The following PSD3 variants were observed in gnomAD, a reference collection of about 807,000 sequenced individuals.
PSD3 encodes PH and SEC7 domain-containing protein 3.
A neutral mutation model predicts 105.5 loss-of-function variants in PSD3; 49 were observed. That is an observed-to-expected ratio of 0.46 (90% confidence interval 0.37 to 0.59). The LOEUF is 0.59. PSD3 is among the 20% of genes least tolerant of loss of function. The pLI is 0.00. For missense variants in PSD3, 1,561 were observed against 1,263.8 expected (o/e 1.24, Z -3.57); for synonymous variants, 557 against 457.8 (o/e 1.22, Z -2.77).
At chr8:18,947,339 A>G (rs1261244148) in intron 1 of PSD3, among the ~76,000 whole-genome samples, 1 of 152,228 alleles carries the variant, frequency 6.6e-6, no homozygotes, top group African/African-American at 2.4e-5. Context: ...CCCAGTCATC[A>G]TGCAGCCCCG....
chr8:19,031,001 G>A (rs1469620738), intron 1 of PSD3, among the ~76,000 whole-genome samples: 2 of 152,170 alleles, frequency 1.3e-5, no homozygotes, highest in South Asian at 2.1e-4. Context: ...AGGCACAAAG[G>A]AAGACTACAT....
chr8:18,989,009 T>A (rs1825652437), intron 1 of PSD3, among the ~76,000 whole-genome samples: 1 of 152,222 alleles, frequency 6.6e-6, no homozygotes. Context: ...TGGTCGGGAC[T>A]CCAGGTAAAG....
chr8:18,994,483 C>T (rs1232702583), intron 1 of PSD3, among the ~76,000 whole-genome samples: 3 of 152,036 alleles, frequency 2.0e-5, no homozygotes, highest in East Asian at 1.9e-4. Context: ...CTTGTCATAC[C>T]TGCAGCTGCT....
chr8:19,038,076 TC>T (rs1421092001), intron 1 of PSD3, among the ~76,000 whole-genome samples: 12 of 152,050 alleles, frequency 7.9e-5, no homozygotes, highest in Non-Finnish European at 1.5e-4. Flanking sequence ...TGAATCCTGA[TC>T]TATCCTTAGC....
At chr8:18,792,252 A>G (rs1809791234) in intron 8 of PSD3, among the ~76,000 whole-genome samples, 1 of 152,220 alleles carries the variant, frequency 6.6e-6, no homozygotes. Flanking sequence ...TCTGTTATAA[A>G]GATACATGCA....
chr8:18,662,604 C>A (rs1809434832), intron 9 of PSD3, among the ~76,000 whole-genome samples: 1 of 152,188 alleles, frequency 6.6e-6, no homozygotes, highest in Non-Finnish European at 1.5e-5. Flanking sequence ...AATCAATTTA[C>A]CTGGCCCTCA....
chr8:19,028,291 G>A (rs868574242), intron 1 of PSD3, among the ~76,000 whole-genome samples: 17 of 27,914 alleles, frequency 6.1e-4, no homozygotes, highest in Non-Finnish European at 1.1e-3. Flanking sequence ...CCCCCCCCCC[G>A]GCCCACCCTT....
At chr8:18,732,126 T>C (rs1313562431) in intron 9 of PSD3, among the ~76,000 whole-genome samples, 1 of 151,968 alleles carries the variant, frequency 6.6e-6, no homozygotes, top group Non-Finnish European at 1.5e-5. Context: ...AGTCACCTGC[T>C]TCAAGTGAGG....
At chr8:18,757,887 A>C (rs73199961) in intron 9 of PSD3, among the ~76,000 whole-genome samples, 4,116 of 152,326 alleles carry the variant, frequency 0.027, 84 homozygotes, top group Middle Eastern at 0.054. Flanking sequence ...CACTGTACTC[A>C]GTACTTTAAA....
chr8:18,644,187 A>C (rs1272385928), intron 10 of PSD3, among the ~76,000 whole-genome samples: 1 of 152,224 alleles, frequency 6.6e-6, no homozygotes, highest in Non-Finnish European at 1.5e-5. Flanking sequence ...CTTGGCCACA[A>C]CTGTGGTTTG....
In PSD3 at chr8:18,785,893, C is replaced by T. The variant is rs140959256; in HGVS notation, c.2082+13402G>A. On this transcript the variant is annotated intron_variant, in intron 8 of 15. Coordinates refer to ENST00000327040, the MANE Select transcript of PSD3 (RefSeq NM_015310.4). ...GCGCAGTCAAAACATATATATTTAT[C>T]AATTAAGTCTGCTGTCTTATATGGG... is the stretch of plus-strand genomic sequence containing the variant. Among the ~76,000 whole-genome samples the T allele has an allele frequency of 2.1e-3, 324 of 152,216 alleles. 1 individual carries two copies. Among genetic ancestry groups the T allele is most frequent in the Middle Eastern group, 3.4e-3 (1 of 294 alleles).
At chr8:18,587,640 C>G (rs1462288939) in intron 12 of PSD3, among the ~76,000 whole-genome samples, 1 of 152,166 alleles carries the variant, frequency 6.6e-6, no homozygotes. Flanking sequence ...AGGGAGGCAT[C>G]TTCTGACCTT....
intron 9 of PSD3, among the ~76,000 whole-genome samples, chr8:18,762,260 A>G (rs2129443056): frequency 6.6e-6 from 1 of 152,136 alleles, no homozygotes. Flanking sequence ...AGTGTGCAGC[A>G]TCTCCTTCCT....
At chr8:19,010,006 T>C (rs1000771053) in intron 1 of PSD3, among the ~76,000 whole-genome samples, 1 of 152,220 alleles carries the variant, frequency 6.6e-6, no homozygotes, top group Non-Finnish European at 1.5e-5. Context: ...GTCAAAATGT[T>C]AATTTTCCCA....
chr8:19,020,034 G>A (rs1179735191), intron 1 of PSD3, among the ~76,000 whole-genome samples: 3 of 152,000 alleles, frequency 2.0e-5, no homozygotes, highest in Admixed American at 6.6e-5. Flanking sequence ...CTATAATAAA[G>A]GTTCAGTTTA....
At chr8:18,949,244 A>AAAAAATATATATAT (rs1345423514) in intron 1 of PSD3, among the ~76,000 whole-genome samples, 1 of 14,404 alleles carries the variant, frequency 6.9e-5, no homozygotes, top group Non-Finnish European at 1.8e-4. Context: ...AAAAAAAAAA[A>AAAAAATATATATAT]ATATATATAT....
At chr8:18,543,100 T>C (rs942125172) in intron 15 of PSD3, among the ~76,000 whole-genome samples, 1 of 152,230 alleles carries the variant, frequency 6.6e-6, no homozygotes, top group Non-Finnish European at 1.5e-5. Context: ...CATACCGTTT[T>C]CTTGGACCTG....
intron 1 of PSD3, chr8:19,001,741 G>C (rs1826411443): frequency 6.5e-6 from 1 of 152,892 alleles, no homozygotes; most frequent in Non-Finnish European, 1.5e-5. Context: ...AGCAGCCCCG[G>C]GCTCAGAGAA....
chr8:18,853,980 A>C (rs140466053), intron 4 of PSD3: 32 of 152,168 alleles, frequency 2.1e-4, no homozygotes, highest in African/African-American at 7.5e-4. Flanking sequence ...ATCTCCTTAC[A>C]ATGCTTTTCA....
Sources: allele counts gnomAD v4.1 joint callset (sites outside exome capture counted in the v4.1 genomes callset), GRCh38; gene constraint gnomAD v4.1.1; transcripts MANE v1.5; gene names NCBI Gene and HGNC (gene_info 2026-07-23, HGNC 2026-07-21).